ZDHHC21: variants seen among roughly 807,000 people sequenced by gnomAD.
The protein encoded by ZDHHC21 is palmitoyltransferase ZDHHC21.
ZDHHC21 carries 15 observed loss-of-function variants against 34.6 expected under a neutral mutation model. That is an observed-to-expected ratio of 0.43 (90% confidence interval 0.29 to 0.67). ZDHHC21 has a LOEUF of 0.67. Ranked by LOEUF, ZDHHC21 falls within the 30% of genes least tolerant of loss-of-function variation. The probability of loss-of-function intolerance (pLI) is 0.14; values close to 1 mark genes in which losing one functional copy is unlikely to be tolerated. For missense variants in ZDHHC21, 344 were observed against 327.7 expected (o/e 1.05, Z -0.38); for synonymous variants, 142 against 101.8 (o/e 1.40, Z -2.38).
intron 3 of ZDHHC21, among the ~76,000 whole-genome samples, 155 bp downstream of exon 3, chr9:14,679,878 G>C (rs1394119728): frequency 6.6e-6 from 1 of 151,972 alleles, no homozygotes; most frequent in African/African-American, 2.4e-5. Context: ...TAAGAAAACA[G>C]GTTTGGTTAA....
chr9:14,602,385 T>G, the ZDHHC21 span, among the ~76,000 whole-genome samples: 1 of 151,782 alleles, frequency 6.6e-6, no homozygotes, highest in Non-Finnish European at 1.5e-5. Flanking sequence ...TTCCATGAGA[T>G]GAGATGGCCA....
In ZDHHC21 at chr9:14,618,441, A is replaced by G. The variant is rs1420087849; in HGVS notation, c.*525T>C. 1.3e-5 allele frequency: 2 copies of G among 152,582 alleles called. No homozygotes were observed. The highest frequency in any genetic ancestry group is 3.9e-4 in the East Asian group (2 of 5,190). The allele number at this position is 152,582 out of a possible 1,614,324, so 9.5% of individuals were successfully genotyped here. ...TTTTGTGTTGCTGTTGTTCACTCCT[A>G]TGCTGCTGCATTTTTAAAAACGTTG... On this transcript the variant is annotated 3_prime_UTR_variant, in exon 10 of 10. Coordinates refer to ENST00000380916, the MANE Select transcript of ZDHHC21 (RefSeq NM_178566.6).
At chr9:14,659,329 C>A (rs1832934736) in intron 6 of ZDHHC21, among the ~76,000 whole-genome samples, 1 of 152,176 alleles carries the variant, frequency 6.6e-6, no homozygotes, top group Non-Finnish European at 1.5e-5. Context: ...TGAAGTAAAC[C>A]AGCTGAAACA....
chr9:14,602,468 A>C, the ZDHHC21 span, among the ~76,000 whole-genome samples: 1 of 151,992 alleles, frequency 6.6e-6, no homozygotes, highest in Non-Finnish European at 1.5e-5. Flanking sequence ...ACAGGCATCT[A>C]GATAGACAAA....
chr9:14,601,573 T>C, the ZDHHC21 span, among the ~76,000 whole-genome samples: 1 of 152,184 alleles, frequency 6.6e-6, no homozygotes, highest in African/African-American at 2.4e-5. Context: ...TCAACAATTG[T>C]GCAAGACAGT....
intron 8 of ZDHHC21, among the ~76,000 whole-genome samples, chr9:14,634,139 T>C (rs547103593): frequency 4.9e-4 from 74 of 152,122 alleles, no homozygotes; most frequent in Middle Eastern, 3.4e-3. Flanking sequence ...GGGCCAGAGG[T>C]CAGGGCCACC....
intron 7 of ZDHHC21, among the ~76,000 whole-genome samples, chr9:14,652,600 G>A (rs770422544): frequency 6.6e-6 from 1 of 151,882 alleles, no homozygotes; most frequent in Non-Finnish European, 1.5e-5. Context: ...AGCTCAGAAA[G>A]AGCTCTCCTG....
intron 8 of ZDHHC21, among the ~76,000 whole-genome samples, chr9:14,637,783 A>G (rs1828569676): frequency 6.6e-6 from 1 of 151,984 alleles, no homozygotes; most frequent in African/African-American, 2.4e-5. Flanking sequence ...TCCCATTTAC[A>G]ATAGCTCCAA....
intron 3 of ZDHHC21, among the ~76,000 whole-genome samples, chr9:14,674,956 C>T (rs1167994246): frequency 6.6e-6 from 1 of 151,930 alleles, no homozygotes; most frequent in South Asian, 2.1e-4. Context: ...GAGCTGTATA[C>T]TTCAGATTTG....
chr9:14,600,550 T>C, the ZDHHC21 span, among the ~76,000 whole-genome samples: 1 of 152,210 alleles, frequency 6.6e-6, no homozygotes, highest in African/African-American at 2.4e-5. Context: ...ATAGGAAGAA[T>C]CAATATGGTG....
chr9:14,650,754 T>A (rs1041596998), intron 7 of ZDHHC21, among the ~76,000 whole-genome samples: 1 of 151,994 alleles, frequency 6.6e-6, no homozygotes, highest in Non-Finnish European at 1.5e-5. Flanking sequence ...TATCAGCCAA[T>A]TGGAATAATA....
At chr9:14,633,189 C>T (rs145049028) in intron 8 of ZDHHC21, among the ~76,000 whole-genome samples, 5 of 152,108 alleles carry the variant, frequency 3.3e-5, no homozygotes, top group Non-Finnish European at 2.9e-5. Context: ...GATAATCACA[C>T]GTAAAATATA....
the ZDHHC21 span, among the ~76,000 whole-genome samples, chr9:14,592,470 T>C: frequency 2.0e-5 from 3 of 152,226 alleles, no homozygotes; most frequent in South Asian, 2.1e-4. Flanking sequence ...CAGGACCACA[T>C]AGCAATTATA....
chr9:14,654,924 T>C (rs997601648), intron 7 of ZDHHC21, among the ~76,000 whole-genome samples: 5 of 151,862 alleles, frequency 3.3e-5, no homozygotes, highest in African/African-American at 7.3e-5. Flanking sequence ...GGAGAAAAAA[T>C]TGAGCAGAGG....
chr9:14,594,600 T>A, the ZDHHC21 span, among the ~76,000 whole-genome samples: 6 of 152,076 alleles, frequency 3.9e-5, no homozygotes, highest in African/African-American at 1.4e-4. Context: ...AACCTAGAAC[T>A]ATGAAACTTC....
chr9:14,680,763 A>C (rs1214476465), intron 2 of ZDHHC21, among the ~76,000 whole-genome samples: 2 of 152,214 alleles, frequency 1.3e-5, no homozygotes, highest in Non-Finnish European at 2.9e-5. Flanking sequence ...TGAAAAAGAG[A>C]GGCTCTATCT....
chr9:14,618,668 T>C lies in ZDHHC21; in HGVS notation c.*298A>G, dbSNP rs1824699602. The C allele has an allele frequency of 4.4e-6, 1 of 229,832 alleles. No individual in the cohort carries two copies. The highest frequency in any genetic ancestry group is 5.7e-5 in the Admixed American group (1 of 17,558). 14.2% of individuals were successfully genotyped at this position (229,832 alleles called of 1,614,324 possible). A position where few individuals can be genotyped will look rare whatever the true frequency, so the allele number is the denominator to read the frequency against. ...TAACACTGTCAGTACTAAAATAAAT[T>C]ATGTACAATTATTTCATCCTAATCA... On this transcript the variant is annotated 3_prime_UTR_variant, in exon 10 of 10. Coordinates refer to ENST00000380916, the MANE Select transcript of ZDHHC21 (RefSeq NM_178566.6).
rs1179350532 is a variant in ZDHHC21 at position 14,663,940 on chromosome 9, A to C, written c.254-1614T>G. ...CAATGTCACAAGCATATCATATTCC[A>C]CTCCCCTACTTAGCTCAATGCTCCC... On this transcript the variant is annotated intron_variant, in intron 5 of 9. Transcript: ENST00000380916. 2.6e-5 allele frequency among the ~76,000 whole-genome samples: 4 copies of C among 151,990 alleles called. No individual in the cohort carries two copies. In the East Asian group the frequency reaches 5.8e-4, roughly 22 times the overall value.
Position 14,618,065 on chromosome 9 carries a change from T to G in ZDHHC21, c.*901A>C, listed in dbSNP as rs1445996625. On this transcript the variant is annotated 3_prime_UTR_variant, in exon 10 of 10. Coordinates refer to ENST00000380916, the MANE Select transcript of ZDHHC21 (RefSeq NM_178566.6). Reference sequence around the variant, plus strand: ...TTTATACTGTACATTATATACTATCTAGTTATACTAGCATTTTAAAAACAT... The same window carrying G: ...TTTATACTGTACATTATATACTATCGAGTTATACTAGCATTTTAAAAACAT... The G allele has an allele frequency of 1.3e-5, 2 of 152,538 alleles. No homozygotes were observed. Among genetic ancestry groups the G allele is most frequent in the East Asian group, 3.9e-4 (2 of 5,190 alleles). 9.4% of individuals were successfully genotyped at this position (152,538 alleles called of 1,614,324 possible).
Sources: allele counts gnomAD v4.1 joint callset (sites outside exome capture counted in the v4.1 genomes callset), GRCh38; gene constraint gnomAD v4.1.1; transcripts MANE v1.5; gene names NCBI Gene and HGNC (gene_info 2026-07-23, HGNC 2026-07-21).